The following MAML1 variants were observed in gnomAD, a reference collection of about 807,000 sequenced individuals.
MAML1 encodes the protein mastermind like transcriptional coactivator 1.
In MAML1, 14 loss-of-function variants were observed where a neutral mutation model predicts 77.1. The ratio of observed to expected loss-of-function variants is 0.18; its 90% CI spans 0.12 to 0.28. MAML1 has a LOEUF of 0.28. MAML1 is among the 10% of genes least tolerant of loss of function. MAML1 has a pLI of 1.00. For synonymous variants in MAML1, 516 were observed against 551.9 expected, an observed-to-expected ratio of 0.93 and a Z score of 0.91; for missense variants, 1,217 against 1,327.8, an observed-to-expected ratio of 0.92 and a Z score of 1.30.
chr5:179,746,993 G>A (rs532633360), intron 1 of MAML1, among the ~76,000 whole-genome samples: 4 of 152,070 alleles, frequency 2.6e-5, no homozygotes, highest in African/African-American at 9.7e-5. Flanking sequence ...AGAGTCTCAG[G>A]CTGGGTTTAT....
chr5:179,746,294 G>A (rs184989254), intron 1 of MAML1, among the ~76,000 whole-genome samples: 208 of 152,098 alleles, frequency 1.4e-3, no homozygotes, highest in African/African-American at 4.7e-3. Context: ...TGCAGTGAGC[G>A]GAGATTGTGC....
intron 1 of MAML1, among the ~76,000 whole-genome samples, chr5:179,762,588 A>G (rs547937591): frequency 2.0e-5 from 3 of 152,372 alleles, no homozygotes; most frequent in South Asian, 4.1e-4. Flanking sequence ...CTGAGCACCC[A>G]GAAGTACCAG....
rs1262587448 is a variant in MAML1 at position 179,774,910 on chromosome 5, C to T, written c.*33C>T. 12 of 1,544,288 alleles carry T rather than the reference C, an allele frequency of 7.8e-6. No homozygotes were observed. The highest frequency in any genetic ancestry group is 1.4e-5 in the African/African-American group (1 of 72,626). ...ATTTGTAGTGTTTTTAGTGTTCATTCATCCTATATTTTTATTCTCAGATTC... is the reference window on the plus strand; with the variant it reads ...ATTTGTAGTGTTTTTAGTGTTCATTTATCCTATATTTTTATTCTCAGATTC... On this transcript the variant is annotated 3_prime_UTR_variant, in exon 5 of 5. Coordinates refer to ENST00000292599, the MANE Select transcript of MAML1 (RefSeq NM_014757.5).
At position 179,765,491 on chromosome 5, in the gene MAML1, C is replaced by G. The variant is rs1285829322; in HGVS notation, c.481C>G (p.Leu161Val). The change falls in exon 2 of 5, where the codon CTC becomes GTC. Residue 161 changes from leucine (L) to valine (V), a missense_variant. Leu to Val is a conservative substitution (Grantham distance 32). Coordinates refer to ENST00000292599, the MANE Select transcript of MAML1 (RefSeq NM_014757.5). ...SSNGLPPASP[L>V]GQSDKPSGAD... ...CAATGGACTGCCTCCAGCCTCCCCCCTCGGTCAGTCTGACAAGCCTTCTGG... is the reference window on the plus strand; with the variant it reads ...CAATGGACTGCCTCCAGCCTCCCCCGTCGGTCAGTCTGACAAGCCTTCTGG... 1.9e-6 allele frequency: 3 copies of G among 1,614,166 alleles called. No homozygotes were observed. Among genetic ancestry groups the G allele is most frequent in the African/African-American group, 2.7e-5 (2 of 75,052 alleles).
Position 179,771,342 on chromosome 5 carries a change from A to G in MAML1, c.2068+99A>G, listed in dbSNP as rs1755984035. On this transcript the variant is annotated intron_variant, in intron 4 of 4. Coordinates refer to ENST00000292599, the MANE Select transcript of MAML1 (RefSeq NM_014757.5). The surrounding 1 kb of genome is among the most constrained non-coding windows in gnomAD (Gnocchi z 4.7). Reference sequence around the variant, plus strand: ...CCCAGCTCTATGCCTTGACTTCATCAGGCTGCATGCATTGTCATCATATAC... The same window carrying G: ...CCCAGCTCTATGCCTTGACTTCATCGGGCTGCATGCATTGTCATCATATAC... 9 of 1,019,232 alleles carry G rather than the reference A, an allele frequency of 8.8e-6. No homozygotes were observed. In the East Asian group the frequency reaches 2.2e-4, roughly 25 times the overall value. 63.1% of individuals were successfully genotyped at this position (1,019,232 alleles called of 1,614,324 possible). A position where few individuals can be genotyped will look rare whatever the true frequency, so the allele number is the denominator to read the frequency against.
At chr5:179,767,138 T>C (rs1323652370) in intron 2 of MAML1, among the ~76,000 whole-genome samples, 1 of 147,408 alleles carries the variant, frequency 6.8e-6, no homozygotes, top group African/African-American at 2.5e-5. Flanking sequence ...CAGATCTCCA[T>C]GTACAAAATT....
chr5:179,775,391 A>G lies in MAML1; in HGVS notation c.*514A>G. On this transcript the variant is annotated 3_prime_UTR_variant, in exon 5 of 5. Coordinates refer to ENST00000292599, the MANE Select transcript of MAML1 (RefSeq NM_014757.5). ...GGGTAGGTGATGGTTTAAATCAATTAAGTGGCATTGGAAACCTAGGGTTTC... is the reference window on the plus strand; with the variant it reads ...GGGTAGGTGATGGTTTAAATCAATTGAGTGGCATTGGAAACCTAGGGTTTC... 1 of 985,350 alleles carries G rather than the reference A, an allele frequency of 1.0e-6. No homozygotes were observed. The highest frequency in any genetic ancestry group is 1.2e-6 in the Non-Finnish European group (1 of 829,836). 61.0% of individuals were successfully genotyped at this position (985,350 alleles called of 1,614,324 possible). A position where few individuals can be genotyped will look rare whatever the true frequency, so the allele number is the denominator to read the frequency against.
At chr5:179,754,128 C>T (rs954402107) in intron 1 of MAML1, among the ~76,000 whole-genome samples, 2 of 151,948 alleles carry the variant, frequency 1.3e-5, no homozygotes, top group African/African-American at 4.8e-5. Flanking sequence ...TAAAAAAATG[C>T]AAAAATTAGC....
chr5:179,774,281 G>A lies in MAML1; in HGVS notation c.2455G>A (p.Gly819Ser), dbSNP rs1005127817. The stretch of plus-strand genomic sequence containing the variant: ...GCACAATAAGGGGACCCTGAACCCT[G>A]GTTTAACAAAGCCACCGGTCCCAAG... ...QQHNKGTLNP[G>S]LTKPPVPRVS... Residue 819 changes from glycine (G) to serine (S), a missense_variant, in exon 5 of 5, where the codon GGT becomes AGT. Gly to Ser is a moderately conservative substitution (Grantham distance 56, BLOSUM62 0). Transcript: ENST00000292599. The A allele has an allele frequency of 2.3e-5, 37 of 1,613,300 alleles. No homozygotes were observed. The highest frequency in any genetic ancestry group is 2.9e-5 in the Non-Finnish European group (34 of 1,179,992).
chr5:179,738,117 G>C (rs950962180), intron 1 of MAML1, among the ~76,000 whole-genome samples: 1 of 151,988 alleles, frequency 6.6e-6, no homozygotes, highest in African/African-American at 2.4e-5. Flanking sequence ...TCTAAGTTTG[G>C]TACAAAGAAC....
chr5:179,777,183 C>T lies in MAML1; in HGVS notation c.*2306C>T. The stretch of plus-strand genomic sequence containing the variant: ...AGTTCATAAAAGTCCTATTAATCCC[C>T]ATATTCTTCTACTGCCCTTAACTCT... On this transcript the variant is annotated 3_prime_UTR_variant, in exon 5 of 5. Transcript: ENST00000292599. 1 of 979,722 alleles carries T rather than the reference C, an allele frequency of 1.0e-6. No individual in the cohort carries two copies. Among genetic ancestry groups the T allele is most frequent in the Non-Finnish European group, 1.2e-6 (1 of 824,524 alleles). 60.7% of individuals were successfully genotyped at this position (979,722 alleles called of 1,614,324 possible).
At chr5:179,750,592 C>G (rs1479538071) in intron 1 of MAML1, among the ~76,000 whole-genome samples, 2 of 152,034 alleles carry the variant, frequency 1.3e-5, no homozygotes, top group Non-Finnish European at 2.9e-5. Flanking sequence ...TCCTTAGTAG[C>G]TGGGATTACA....
intron 1 of MAML1, among the ~76,000 whole-genome samples, chr5:179,762,791 CA>C (rs1394618857): frequency 3.3e-5 from 5 of 152,214 alleles, no homozygotes; most frequent in African/African-American, 1.2e-4. Flanking sequence ...TGCAAATGCT[CA>C]GGGCTTAAAA....
intron 3 of MAML1, among the ~76,000 whole-genome samples, chr5:179,770,366 T>C (rs929553205): frequency 2.0e-5 from 3 of 152,012 alleles, no homozygotes; most frequent in African/African-American, 7.2e-5. Flanking sequence ...GAGAATGGCG[T>C]GAACCTGGGA....
At position 179,733,097 on chromosome 5, in the gene MAML1, GT is replaced by G; in HGVS notation, c.-15del. 1 of 1,359,556 alleles carries G rather than the reference GT, an allele frequency of 7.4e-7. No individual in the cohort carries two copies. The highest frequency in any genetic ancestry group is 1.6e-5 in the South Asian group (1 of 64,432). 84.2% of individuals were successfully genotyped at this position (1,359,556 alleles called of 1,614,324 possible). ...AGAGGCCCGGCCCCGGGCCCGGCCC[GT>G]GCAGCCCGCGGCCCATGGTGCTGCC... On this transcript the variant is annotated 5_prime_UTR_variant, in exon 1 of 5. Transcript: ENST00000292599.
At chr5:179,749,244 A>C (rs973801452) in intron 1 of MAML1, among the ~76,000 whole-genome samples, 1 of 152,096 alleles carries the variant, frequency 6.6e-6, no homozygotes, top group Admixed American at 6.6e-5. Flanking sequence ...CTCCTGCCTC[A>C]GCCTCCCGAG....
chr5:179,737,396 G>A (rs1779189289), intron 1 of MAML1, among the ~76,000 whole-genome samples: 1 of 152,170 alleles, frequency 6.6e-6, no homozygotes, highest in African/African-American at 2.4e-5. Context: ...ATTCAGGGGG[G>A]AAGAGAGTCC....
At chr5:179,753,057 A>G (rs889292773) in intron 1 of MAML1, among the ~76,000 whole-genome samples, 1 of 152,030 alleles carries the variant, frequency 6.6e-6, no homozygotes, top group Non-Finnish European at 1.5e-5. Flanking sequence ...ACAGGCGTGA[A>G]CCACAGCACC....
In MAML1 at chr5:179,777,055, T is replaced by C. The variant is rs1257712251; in HGVS notation, c.*2178T>C. Reference sequence around the variant, plus strand: ...GCTTCCAACTGTATATTTTTTACTTTTATAGATTTTAAAACTATGATCCTT... The same window carrying C: ...GCTTCCAACTGTATATTTTTTACTTCTATAGATTTTAAAACTATGATCCTT... On this transcript the variant is annotated 3_prime_UTR_variant, in exon 5 of 5. Coordinates refer to ENST00000292599, the MANE Select transcript of MAML1 (RefSeq NM_014757.5). The C allele has an allele frequency of 1.6e-5, 16 of 983,650 alleles. No individual in the cohort carries two copies. Among genetic ancestry groups the C allele is most frequent in the Non-Finnish European group, 1.9e-5 (16 of 827,998 alleles). The allele number at this position is 983,650 out of a possible 1,614,324, so 60.9% of individuals were successfully genotyped here.
Sources: gnomAD v4.1 joint callset for allele counts (sites outside exome capture counted in the v4.1 genomes callset) on GRCh38, gnomAD v4.1.1 for gene constraint, Gnocchi (gnomAD v3.1) non-coding constraint, MANE v1.5 for transcripts, NCBI Gene and HGNC (gene_info 2026-07-23, HGNC 2026-07-21) for gene names.